RP1: variants seen among roughly 807,000 people sequenced by gnomAD.
RP1 encodes the protein oxygen-regulated protein 1.
Under a neutral mutation model 14.8 loss-of-function variants are expected in RP1, and 16 were observed. The ratio of observed to expected loss-of-function variants is 1.08; its 90% CI spans 0.73 to 1.65. RP1 has a LOEUF of 1.65. Among genes scored for constraint, RP1 ranks in the 40% most tolerant of loss-of-function variants. The probability of loss-of-function intolerance (pLI) is 0.00; values close to 1 mark genes in which losing one functional copy is unlikely to be tolerated. For missense variants in RP1, 2,631 were observed against 2,535.0 expected, an observed-to-expected ratio of 1.04 and a Z score of -0.81; for synonymous variants, 876 against 883.6, an observed-to-expected ratio of 0.99 and a Z score of 0.15.
chr8:54,672,461 T>C (rs1807200119), intron 7 of RP1, among the ~76,000 whole-genome samples: 2 of 152,178 alleles, frequency 1.3e-5, no homozygotes, highest in African/African-American at 4.8e-5. Flanking sequence ...GGTTATGCAT[T>C]GGCCTTGGTG....
upstream of RP1, among the ~76,000 whole-genome samples, chr8:54,613,333 C>G (rs1221991945): frequency 6.6e-6 from 1 of 152,104 alleles, no homozygotes; most frequent in Non-Finnish European, 1.5e-5. Flanking sequence ...GATCTCTGTC[C>G]TGGGTTCCTT....
rs370273592 is a variant in RP1 at position 54,697,786 on chromosome 8, G to A, written c.1718-1681G>A. Among the ~76,000 whole-genome samples the A allele has an allele frequency of 3.7e-4, 57 of 152,302 alleles. No individual in the cohort carries two copies. In the East Asian group the frequency reaches 7.5e-3, roughly 20 times the overall value. On this transcript the variant is annotated intron_variant, in intron 12 of 22. Coordinates refer to the RP1 transcript ENST00000636932. ...GACAAACCTGACAAAAACAAGCAAT[G>A]GGGAGAGGATTCCCTATTTAATAAA... is the stretch of plus-strand genomic sequence containing the variant.
intron 21 of RP1, chr8:54,758,871 C>A: frequency 1.3e-6 from 2 of 1,519,388 alleles, no homozygotes; most frequent in Non-Finnish European, 1.8e-6. Flanking sequence ...ATTTGTCATG[C>A]CTCGGACTCT....
chr8:54,727,568 A>G (rs1416816951), intron 17 of RP1, among the ~76,000 whole-genome samples: 1 of 152,142 alleles, frequency 6.6e-6, no homozygotes, highest in Non-Finnish European at 1.5e-5. Context: ...AAATGTTACC[A>G]TTATGAAATT....
At chr8:54,755,073 T>G in intron 20 of RP1, 1 of 909,212 alleles carries the variant, frequency 1.1e-6, no homozygotes, top group Middle Eastern at 3.1e-4. Context: ...GAAGTGACTT[T>G]TTTAATGTCA....
intron 24 of RP1, among the ~76,000 whole-genome samples, chr8:54,813,682 G>A (rs181526664): frequency 3.3e-5 from 5 of 152,230 alleles, no homozygotes; most frequent in Admixed American, 2.0e-4. Flanking sequence ...GGACATCCTC[G>A]TGCACACAGC....
intron 1 of RP1, among the ~76,000 whole-genome samples, chr8:54,599,525 C>CAT (rs1482334352): frequency 6.6e-6 from 1 of 151,438 alleles, no homozygotes; most frequent in Admixed American, 6.6e-5. Context: ...GTGGCACCGT[C>CAT]TCGGCTCACT....
rs1324571071 is a variant in RP1, at chr8:54,626,234, A to G, written c.2352A>G (p.Lys784=). ...LTKRKSRSLN[K]ISLGAPKKRE... is the part of the protein sequence containing the mutation. ...AAAGAAAATCTAGATCACTAAATAA[A>G]ATAAGCTTAGGAGCACCTAAAAAAA... The change falls in exon 4 of 4, where the codon AAA becomes AAG. Residue 784 remains lysine, a synonymous_variant. Coordinates refer to ENST00000220676, the MANE Select transcript of RP1 (RefSeq NM_006269.2). 2 of 1,611,996 alleles carry G rather than the reference A, an allele frequency of 1.2e-6. No homozygotes were observed. The highest frequency in any genetic ancestry group is 1.7e-6 in the Non-Finnish European group (2 of 1,179,412).
chr8:54,674,403 G>A (rs1281684102), intron 8 of RP1, among the ~76,000 whole-genome samples: 3 of 151,294 alleles, frequency 2.0e-5, no homozygotes, highest in Non-Finnish European at 2.9e-5. Flanking sequence ...TCAACTCTGT[G>A]AGATGACTCA....
At chr8:54,650,232 T>G (rs956852295) in intron 4 of RP1, among the ~76,000 whole-genome samples, 4 of 152,272 alleles carry the variant, frequency 2.6e-5, no homozygotes, top group African/African-American at 9.6e-5. Flanking sequence ...CTTGCCTGAG[T>G]TCTGGGATGG....
intron 12 of RP1, chr8:54,697,189 T>C: frequency 1.4e-6 from 1 of 734,798 alleles, no homozygotes; most frequent in Non-Finnish European, 2.3e-6. Context: ...TTCCTTTTTT[T>C]GGGGGAATTT....
chr8:54,837,698 G>A (rs968868413), intron 25 of RP1: 1 of 1,157,518 alleles, frequency 8.6e-7, no homozygotes, highest in Non-Finnish European at 1.1e-6. Flanking sequence ...TTTGTGATGT[G>A]TATTGAAAAT....
At chr8:54,664,914 A>G (rs1049565923) in intron 7 of RP1, among the ~76,000 whole-genome samples, 7 of 152,180 alleles carry the variant, frequency 4.6e-5, no homozygotes, top group Non-Finnish European at 7.4e-5. Context: ...TGATGGGATC[A>G]TTCATATCCC....
In RP1 at chr8:54,769,784, G is replaced by T; in HGVS notation, c.3292G>T (p.Glu1098Ter). 6.5e-7 allele frequency: 1 copy of T among 1,533,642 alleles called. No homozygotes were observed. The highest frequency in any genetic ancestry group is 8.7e-7 in the Non-Finnish European group (1 of 1,145,372). The stretch of plus-strand genomic sequence containing the variant: ...TCAGGGCATAATTCATTCAGAAATT[G>T]AACTTTATCTTCAAGGTGAGGATTA... The change falls in exon 23 of 23, where the codon GAA becomes TAA. Residue 1098 changes from glutamate to a stop codon, truncating the protein, a stop_gained. Coordinates refer to the RP1 transcript ENST00000636932. LOFTEE classifies it high-confidence loss of function.
At chr8:54,766,760 C>G (rs537311947) in intron 22 of RP1, among the ~76,000 whole-genome samples, 2 of 152,300 alleles carry the variant, frequency 1.3e-5, no homozygotes, top group African/African-American at 2.4e-5. Flanking sequence ...AAAAGACTAA[C>G]AGAATTTTTG....
chr8:54,791,814 TATA>T (rs1310506031), intron 24 of RP1, among the ~76,000 whole-genome samples: 3 of 151,938 alleles, frequency 2.0e-5, no homozygotes, highest in Non-Finnish European at 4.4e-5. Flanking sequence ...GTAAAGGAAA[TATA>T]ATCAGAAAAT....
intron 22 of RP1, among the ~76,000 whole-genome samples, chr8:54,767,721 T>G (rs1477219528): frequency 5.3e-5 from 8 of 152,126 alleles, no homozygotes; most frequent in Admixed American, 5.2e-4. Flanking sequence ...AAGTAAACTC[T>G]TTACATACAT....
chr8:54,656,648 GA>G lies in RP1; in HGVS notation c.1171+434del, dbSNP rs1285964195. 5.9e-5 allele frequency among the ~76,000 whole-genome samples: 9 copies of G among 151,590 alleles called. No individual in the cohort carries two copies. In the East Asian group the frequency reaches 1.8e-3, roughly 30 times the overall value. On this transcript the variant is annotated intron_variant, in intron 6 of 22. Transcript: ENST00000636932. ...CTTTCTAAATGTCTGGCCGAAAGCA[GA>G]GATGTGTTCAAGCCTTGTGTAAATT...
In RP1 at chr8:54,565,259, A is replaced by T. The variant is rs116007056; in HGVS notation, c.-13+5939A>T. Among the ~76,000 whole-genome samples, 1,123 of 152,328 alleles carry T rather than the reference A, an allele frequency of 7.4e-3. 12 individuals are homozygous for T. Among genetic ancestry groups the T allele is most frequent in the African/African-American group, 0.026 (1,079 of 41,576 alleles). On this transcript the variant is annotated intron_variant, in intron 1 of 22. Coordinates refer to the RP1 transcript ENST00000636932. ...AGATGGGCCAGCCATGGAGGTGAAC[A>T]GCAAGTAGCAAAACCTTAGCTGGGG...
Sources: gnomAD v4.1 joint callset for allele counts (sites outside exome capture counted in the v4.1 genomes callset) on GRCh38, gnomAD v4.1.1 for gene constraint, MANE v1.5 for transcripts, NCBI Gene and HGNC (gene_info 2026-07-23, HGNC 2026-07-21) for gene names.